The following KLHL2 variants were observed in gnomAD, a reference collection of about 807,000 sequenced individuals.
KLHL2 encodes the protein kelch like family member 2, also known as kelch-like protein 2.
A neutral mutation model predicts 75.8 loss-of-function variants in KLHL2; 15 were observed. The observed-to-expected ratio is 0.20, with a 90% CI of 0.13 to 0.30. The LOEUF is 0.30. Among genes scored for constraint, KLHL2 ranks in the 10% least tolerant of loss-of-function variants. The probability of loss-of-function intolerance (pLI) is 1.00; values close to 1 mark genes in which losing one functional copy is unlikely to be tolerated. For synonymous variants in KLHL2, 214 were observed against 251.9 expected (o/e 0.85, Z 1.42); for missense variants, 381 against 741.0 (o/e 0.51, Z 5.64).
intron 3 of KLHL2, among the ~76,000 whole-genome samples, chr4:165,238,343 G>A (rs1739526523): frequency 6.6e-6 from 1 of 152,180 alleles, no homozygotes; most frequent in African/African-American, 2.4e-5. Flanking sequence ...GCATTTGTGT[G>A]TTTGTTGAAG....
At position 165,278,751 on chromosome 4, in the gene KLHL2, C is replaced by A. The variant is rs180958007; in HGVS notation, c.544+15392C>A. 77 of 1,584,674 alleles carry A rather than the reference C, an allele frequency of 4.9e-5. No individual in the cohort carries two copies. In the African/African-American group the frequency reaches 8.7e-4, roughly 18 times the overall value. On this transcript the variant is annotated intron_variant, in intron 5 of 14. Transcript: ENST00000226725. ...TTGTAAGCCACTGTGGTGAGAAGGC[C>A]ATGATCAGAAAATACACACTTATGG...
chr4:165,263,230 C>T lies in KLHL2; in HGVS notation c.415C>T (p.Gln139Ter). ...LLPAAGLLQL[Q>*]DVKKTCCEFL... ...CCCAGCAGCTGGTCTCTTACAGTTA[C>T]AGGATGTGAAGAAGACTTGTTGTGA... The change falls in exon 5 of 15, where the codon CAG becomes TAG. Residue 139 changes from glutamine to a stop codon, truncating the protein, a stop_gained. Coordinates refer to ENST00000226725, the MANE Select transcript of KLHL2 (RefSeq NM_007246.4). LOFTEE classifies it high-confidence loss of function. 6.2e-7 allele frequency: 1 copy of T among 1,614,028 alleles called. No individual in the cohort carries two copies. The highest frequency in any genetic ancestry group is 8.5e-7 in the Non-Finnish European group (1 of 1,179,970).
chr4:165,225,091 G>A (rs1430770825), intron 2 of KLHL2, among the ~76,000 whole-genome samples: 4 of 152,114 alleles, frequency 2.6e-5, no homozygotes, highest in African/African-American at 4.8e-5. Context: ...TTCCTGGGAA[G>A]GACCAATTTT....
intron 5 of KLHL2, among the ~76,000 whole-genome samples, chr4:165,276,678 TTATAA>T (rs1394397537): frequency 6.6e-6 from 1 of 152,206 alleles, no homozygotes; most frequent in African/African-American, 2.4e-5. Flanking sequence ...CTTTTTTCAG[TTATAA>T]TAAGATACTA....
intron 4 of KLHL2, among the ~76,000 whole-genome samples, chr4:165,262,977 AAGG>A (rs1741819229): frequency 6.6e-6 from 1 of 152,194 alleles, no homozygotes; most frequent in South Asian, 2.1e-4. Context: ...TCTTCTGACC[AAGG>A]AGAAGAGGCC....
intron 5 of KLHL2, among the ~76,000 whole-genome samples, chr4:165,265,156 G>C (rs1320659887): frequency 2.0e-5 from 3 of 152,092 alleles, no homozygotes; most frequent in African/African-American, 7.2e-5. Context: ...CATGTTTGTT[G>C]ACCATTTGTA....
intron 5 of KLHL2, chr4:165,277,929 T>G (rs1479261644): frequency 1.1e-6 from 1 of 916,556 alleles, no homozygotes; most frequent in Non-Finnish European, 1.8e-6. Flanking sequence ...ATTGCTGGGT[T>G]GTTCTTTCAT....
Position 165,284,214 on chromosome 4 carries a change from G to A in KLHL2, c.545-10145G>A, listed in dbSNP as rs28814602. Among the ~76,000 whole-genome samples the A allele has an allele frequency of 5.6e-3, 853 of 152,296 alleles. 9 individuals carry two copies. The highest frequency in any genetic ancestry group is 0.02 in the African/African-American group (822 of 41,558). On this transcript the variant is annotated intron_variant, in intron 5 of 14. Coordinates refer to ENST00000226725, the MANE Select transcript of KLHL2 (RefSeq NM_007246.4). Reference sequence around the variant, plus strand: ...GTAACTTATGCAAATTTCTGCAGCTGTCTTGAATTTTGCCTGAGAAAATGG... The same window carrying A: ...GTAACTTATGCAAATTTCTGCAGCTATCTTGAATTTTGCCTGAGAAAATGG...
chr4:165,277,748 A>AACACACACACACACACAC (rs56079802), intron 5 of KLHL2: 13 of 534,356 alleles, frequency 2.4e-5, no homozygotes, highest in African/African-American at 4.0e-5. Context: ...GGATGTTAAA[A>AACACACACACACACACAC]ACACACACAC....
chr4:165,224,668 G>A (rs12513327), intron 2 of KLHL2, among the ~76,000 whole-genome samples: 12,666 of 152,206 alleles, frequency 0.083, 592 homozygotes, highest in Middle Eastern at 0.1. Flanking sequence ...TATTGTGGCT[G>A]TTGTATGAAT....
intron 4 of KLHL2, among the ~76,000 whole-genome samples, chr4:165,242,840 G>C (rs965326382): frequency 7.2e-5 from 11 of 152,154 alleles, no homozygotes; most frequent in African/African-American, 2.7e-4. Context: ...ATATATAAGT[G>C]TGTGTGAGTC....
chr4:165,209,933 C>G (rs967912354), intron 1 of KLHL2: 10 of 1,268,222 alleles, frequency 7.9e-6, no homozygotes, highest in Non-Finnish European at 1.1e-5. Flanking sequence ...GCCTCCACTC[C>G]CATTAACATC....
At chr4:165,301,075 A>G (rs1466687782) in intron 8 of KLHL2, among the ~76,000 whole-genome samples, 3 of 152,156 alleles carry the variant, frequency 2.0e-5, no homozygotes, top group Non-Finnish European at 4.4e-5. Flanking sequence ...ATTGATCTCA[A>G]AACTCTCTTG....
At chr4:165,279,126 G>T in intron 5 of KLHL2, 2 of 1,601,536 alleles carry the variant, frequency 1.2e-6, no homozygotes, top group East Asian at 2.2e-5. Context: ...GTCCCAAAAA[G>T]AGCTCGTTTT....
intron 9 of KLHL2, among the ~76,000 whole-genome samples, 177 bp from the exon 10 acceptor site, chr4:165,310,375 CA>C (rs1445665559): frequency 1.3e-5 from 2 of 152,082 alleles, no homozygotes; most frequent in African/African-American, 4.8e-5. Context: ...GAAAGAAAGA[CA>C]ATTTAGTGAT....
intron 6 of KLHL2, among the ~76,000 whole-genome samples, chr4:165,296,421 A>T (rs1335697609): frequency 6.6e-6 from 1 of 152,200 alleles, no homozygotes. Flanking sequence ...AGCAGAGTAG[A>T]AGTAGTGAGG....
At chr4:165,232,574 T>A (rs1354803612) in intron 3 of KLHL2, among the ~76,000 whole-genome samples, 13 of 151,788 alleles carry the variant, frequency 8.6e-5, no homozygotes, top group Non-Finnish European at 1.8e-4. Flanking sequence ...CTAAAAAGAT[T>A]TTTAAAAAAA....
intron 5 of KLHL2, among the ~76,000 whole-genome samples, chr4:165,291,918 C>G (rs974048891): frequency 5.3e-5 from 8 of 152,118 alleles, no homozygotes; most frequent in Non-Finnish European, 1.2e-4. Context: ...CAGCCTCAAA[C>G]TCCTCTGCTT....
At chr4:165,298,757 G>A (rs1040053323) in intron 7 of KLHL2, among the ~76,000 whole-genome samples, 2 of 152,050 alleles carry the variant, frequency 1.3e-5, no homozygotes, top group Non-Finnish European at 2.9e-5. Context: ...CTAACGTGGT[G>A]AATCCCCGTC....
Sources: gnomAD v4.1 joint callset for allele counts (sites outside exome capture counted in the v4.1 genomes callset) on GRCh38, gnomAD v4.1.1 for gene constraint, MANE v1.5 for transcripts, NCBI Gene and HGNC (gene_info 2026-07-23, HGNC 2026-07-21) for gene names.